The following OSBP2 variants were observed in gnomAD, a reference collection of about 807,000 sequenced individuals.
OSBP2 encodes oxysterol binding protein 2.
A neutral mutation model predicts 96.0 loss-of-function variants in OSBP2; 66 were observed. The ratio of observed to expected loss-of-function variants is 0.69; its 90% CI spans 0.56 to 0.84. The LOEUF is 0.84. Among genes scored for constraint, OSBP2 ranks in the 40% least tolerant of loss-of-function variants. The pLI, the probability that OSBP2 is intolerant of heterozygous loss-of-function variation, is 0.00. For synonymous variants in OSBP2, 525 were observed against 520.9 expected (o/e 1.01, Z -0.11); for missense variants, 1,038 against 1,222.7 (o/e 0.85, Z 2.25).
chr22:30,837,177 A>G (rs576477174), intron 2 of OSBP2, among the ~76,000 whole-genome samples: 2 of 151,622 alleles, frequency 1.3e-5, no homozygotes, highest in Non-Finnish European at 2.9e-5. Context: ...CAGGAGAATC[A>G]CTTGAAACTG....
intron 1 of OSBP2, among the ~76,000 whole-genome samples, chr22:30,712,480 C>A (rs888155587): frequency 6.6e-6 from 1 of 152,160 alleles, no homozygotes; most frequent in East Asian, 1.9e-4. Flanking sequence ...GGGCTCCCAG[C>A]TGCTATGGAA....
At chr22:30,735,586 C>T (rs2089840394) in intron 1 of OSBP2, among the ~76,000 whole-genome samples, 1 of 151,732 alleles carries the variant, frequency 6.6e-6, no homozygotes, top group African/African-American at 2.4e-5. Flanking sequence ...GCTGGAATTA[C>T]AGGCGTGAGC....
rs374035667 is a variant in OSBP2, at chr22:30,889,506, C to T, written c.1493C>T (p.Ser498Leu). ...ATGTGGCAGGTACTAGATGGTGCCT[C>T]GCTCGTGCCCAAGGGTTCATCCAAA... is the stretch of plus-strand genomic sequence containing the variant. The part of the protein sequence containing the change: ...SSADNVLDGA[S>L]LVPKGSSKVK... Residue 498 changes from serine to leucine, a missense_variant, in exon 7 of 14, where the codon TCG becomes TTG. This residue lies in a region of OSBP2 where 737 missense variants were observed against 913.3 expected (regional missense o/e 0.81). Transcript: ENST00000332585. 7.4e-6 allele frequency: 12 copies of T among 1,613,954 alleles called. No homozygotes were observed. Among genetic ancestry groups the T allele is most frequent in the African/African-American group, 5.3e-5 (4 of 74,904 alleles).
chr22:30,876,699 G>A (rs1262099569), intron 3 of OSBP2, among the ~76,000 whole-genome samples: 1 of 152,222 alleles, frequency 6.6e-6, no homozygotes, highest in East Asian at 1.9e-4. Flanking sequence ...TGGGGAGCCA[G>A]GATGGGAAAG....
intron 2 of OSBP2, among the ~76,000 whole-genome samples, chr22:30,742,124 A>G (rs1381014846): frequency 1.3e-5 from 2 of 151,344 alleles, no homozygotes; most frequent in African/African-American, 4.8e-5. Context: ...CCGGCCAATA[A>G]ATTTATTTTT....
At chr22:30,694,020 TG>T (rs1458805596), upstream of OSBP2, 2 of 1,536,458 alleles carry the variant, frequency 1.3e-6, no homozygotes, top group South Asian at 1.2e-5. Context: ...TTAACCATTC[TG>T]GGGTCACAGC....
At position 30,769,914 on chromosome 22, in the gene OSBP2, G is replaced by A. The variant is rs115281920; in HGVS notation, c.853+28545G>A. Reference sequence around the variant, plus strand: ...CACCTTGAATTGTAATAATTGCCACGTGTTGAGGGTGGGGCCAGGTGGAGA... The same window carrying A: ...CACCTTGAATTGTAATAATTGCCACATGTTGAGGGTGGGGCCAGGTGGAGA... On this transcript the variant is annotated intron_variant, in intron 2 of 13. Coordinates refer to ENST00000332585, the MANE Select transcript of OSBP2 (RefSeq NM_030758.4). 9.0e-3 allele frequency among the ~76,000 whole-genome samples: 1,366 copies of A among 152,160 alleles called. 16 individuals carry two copies. The highest frequency in any genetic ancestry group is 0.03 in the African/African-American group (1,253 of 41,506).
chr22:30,729,274 CT>C (rs2089706056), intron 1 of OSBP2, among the ~76,000 whole-genome samples: 1 of 152,192 alleles, frequency 6.6e-6, no homozygotes, highest in African/African-American at 2.4e-5. Context: ...CTCAAAGATA[CT>C]AGCACTGCCA....
intron 2 of OSBP2, among the ~76,000 whole-genome samples, chr22:30,812,811 A>G (rs1264151182): frequency 2.7e-5 from 4 of 150,172 alleles, no homozygotes; most frequent in Middle Eastern, 3.4e-3. Flanking sequence ...TGGGTGAATG[A>G]AAAGGCATTT....
At chr22:30,872,319 C>T (rs1264497253) in intron 3 of OSBP2, 8 of 456,636 alleles carry the variant, frequency 1.8e-5, no homozygotes, top group Admixed American at 4.7e-5. Flanking sequence ...AAGCCACTGC[C>T]GGAGGCTTCC....
intron 1 of OSBP2, among the ~76,000 whole-genome samples, chr22:30,717,937 A>G (rs996127785): frequency 6.6e-6 from 1 of 152,184 alleles, no homozygotes; most frequent in African/African-American, 2.4e-5. Context: ...TTCAAAACAC[A>G]TTGCCCAGTG....
chr22:30,814,514 C>G (rs769923881), intron 2 of OSBP2, among the ~76,000 whole-genome samples: 1 of 151,372 alleles, frequency 6.6e-6, no homozygotes, highest in Non-Finnish European at 1.5e-5. Flanking sequence ...CTCATGCAAC[C>G]TCCGCCTCCC....
At chr22:30,771,953 G>A (rs143754075) in intron 2 of OSBP2, among the ~76,000 whole-genome samples, 2 of 152,334 alleles carry the variant, frequency 1.3e-5, no homozygotes, top group African/African-American at 4.8e-5. Context: ...AGACACAGAA[G>A]GAACATTCTC....
Position 30,695,520 on chromosome 22 carries a change from T to G in OSBP2, c.611T>G (p.Phe204Cys). 1.2e-6 allele frequency: 2 copies of G among 1,611,736 alleles called. No individual in the cohort carries two copies. The highest frequency in any genetic ancestry group is 1.7e-6 in the Non-Finnish European group (2 of 1,179,980). Residue 204 changes from phenylalanine (F) to cysteine (C), a missense_variant, in exon 1 of 14, where the codon TTC becomes TGC. This residue lies in a region of OSBP2 where 281 missense variants were observed against 273.4 expected (regional missense o/e 1.03). Coordinates refer to ENST00000332585, the MANE Select transcript of OSBP2 (RefSeq NM_030758.4). Reference protein sequence around the residue: ...NYLKGYQRRWFVLGNGLLSYY... With the variant: ...NYLKGYQRRWCVLGNGLLSYY... Reference sequence around the variant, plus strand: ...CTGAAGGGCTACCAGCGCCGCTGGTTCGTGCTGGGCAATGGTTTGCTCTCT... The same window carrying G: ...CTGAAGGGCTACCAGCGCCGCTGGTGCGTGCTGGGCAATGGTTTGCTCTCT...
chr22:30,718,110 A>G (rs2089492304), intron 1 of OSBP2, among the ~76,000 whole-genome samples: 1 of 152,152 alleles, frequency 6.6e-6, no homozygotes, highest in African/African-American at 2.4e-5. Flanking sequence ...CGAGAGTCAC[A>G]GCATCCCAGC....
chr22:30,781,045 G>A lies in OSBP2; in HGVS notation c.853+39676G>A, dbSNP rs537835711. Reference sequence around the variant, plus strand: ...GGCTGGAGTACAGTGGCGTGATCTCGGCTCACTGCAACCTTCACCTCCCGG... The same window carrying A: ...GGCTGGAGTACAGTGGCGTGATCTCAGCTCACTGCAACCTTCACCTCCCGG... On this transcript the variant is annotated intron_variant, in intron 2 of 13. Transcript: ENST00000332585. Among the ~76,000 whole-genome samples the A allele has an allele frequency of 3.4e-4, 50 of 148,594 alleles. No homozygotes were observed. The East Asian group carries it at 6.7e-3, about 20-fold the overall frequency.
rs765096329 is a variant in OSBP2, at chr22:30,881,981, A to G, written c.1108-5445A>G. ...GTGACTGTGACACTCTACGACCTGCATGTGCCCAGCCTAGGCACATGTACC... is the reference window on the plus strand; with the variant it reads ...GTGACTGTGACACTCTACGACCTGCGTGTGCCCAGCCTAGGCACATGTACC... On this transcript the variant is annotated intron_variant, in intron 3 of 13. Transcript: ENST00000332585. This position sits in a 1 kb window ranked among gnomAD's most constrained non-coding sequence, Gnocchi z 4.5. Among the ~76,000 whole-genome samples, 7 of 152,138 alleles carry G rather than the reference A, an allele frequency of 4.6e-5. No homozygotes were observed. Among genetic ancestry groups the G allele is most frequent in the Non-Finnish European group, 8.8e-5 (6 of 68,004 alleles).
Position 30,741,310 on chromosome 22 carries a change from G to A in OSBP2, c.794G>A (p.Trp265Ter). 1.2e-6 allele frequency: 2 copies of A among 1,613,692 alleles called. No homozygotes were observed. The highest frequency in any genetic ancestry group is 8.5e-7 in the Non-Finnish European group (1 of 1,180,032). The part of the protein sequence containing the change: ...KASSEVDRQQ[W>*]ITALELAKAK... The stretch of plus-strand genomic sequence containing the variant: ...AGCTCAGAGGTGGACCGGCAGCAGT[G>A]GATCACCGCCCTGGAGCTGGCCAAG... Residue 265 changes from tryptophan (W) to a stop codon, truncating the protein, a stop_gained, in exon 2 of 14, where the codon TGG (tryptophan) becomes TAG (stop). Coordinates refer to ENST00000332585, the MANE Select transcript of OSBP2 (RefSeq NM_030758.4). LOFTEE classifies it high-confidence loss of function.
chr22:30,843,700 C>G (rs1395405030), intron 2 of OSBP2, among the ~76,000 whole-genome samples: 1 of 151,948 alleles, frequency 6.6e-6, no homozygotes, highest in Non-Finnish European at 1.5e-5. Flanking sequence ...CCCATCTCTA[C>G]CAAAATAAAA....
Sources: allele counts gnomAD v4.1 joint callset (sites outside exome capture counted in the v4.1 genomes callset), GRCh38; gene constraint gnomAD v4.1.1; regional missense constraint gnomAD v4.1.1; non-coding constraint Gnocchi (gnomAD v3.1); transcripts MANE v1.5; gene names NCBI Gene and HGNC (gene_info 2026-07-23, HGNC 2026-07-21).